CPPED1: variants seen among roughly 807,000 people sequenced by gnomAD.
CPPED1 encodes the protein calcineurin like phosphoesterase domain containing 1.
A neutral mutation model predicts 28.0 loss-of-function variants in CPPED1; 28 were observed. The ratio of observed to expected loss-of-function variants is 1.00; its 90% CI spans 0.74 to 1.37. The LOEUF is 1.37. Among genes scored for constraint, CPPED1 ranks in the 40% most tolerant of loss-of-function variants. The pLI, the probability that CPPED1 is intolerant of heterozygous loss-of-function variation, is 0.00. For synonymous variants in CPPED1, 198 were observed against 180.2 expected, an observed-to-expected ratio of 1.10 and a Z score of -0.79; for missense variants, 504 against 416.5, an observed-to-expected ratio of 1.21 and a Z score of -1.83.
intron 2 of CPPED1, among the ~76,000 whole-genome samples, chr16:12,735,432 G>A (rs918366484): frequency 1.3e-5 from 2 of 152,226 alleles, no homozygotes; most frequent in Admixed American, 1.3e-4. Context: ...AGCCTCCTGA[G>A]TAGATGGGAT....
rs1010448104 is a variant in CPPED1, at chr16:12,709,267, A to G, written c.290-4218T>C. On this transcript the variant is annotated intron_variant, in intron 2 of 3. Transcript: ENST00000381774. This position sits in a 1 kb window ranked among gnomAD's most constrained non-coding sequence, Gnocchi z 4.4. ...AAGAAAGGCAGGGAAACAAGGGGAA[A>G]GACTCTGAAAAATGGCAAGACATGA... is the stretch of plus-strand genomic sequence containing the variant. Among the ~76,000 whole-genome samples, 2 of 152,196 alleles carry G rather than the reference A, an allele frequency of 1.3e-5. No homozygotes were observed. The highest frequency in any genetic ancestry group is 4.8e-5 in the African/African-American group (2 of 41,454).
chr16:12,764,243 G>A (rs1008150766), intron 2 of CPPED1, among the ~76,000 whole-genome samples: 2 of 149,948 alleles, frequency 1.3e-5, no homozygotes, highest in Non-Finnish European at 3.0e-5. Flanking sequence ...TCGCTCTGTC[G>A]CCCAGGCCAG....
chr16:12,712,137 C>T (rs1393373528), intron 2 of CPPED1, among the ~76,000 whole-genome samples: 1 of 152,198 alleles, frequency 6.6e-6, no homozygotes, highest in Non-Finnish European at 1.5e-5. Context: ...CCACACCTGT[C>T]CTGCAGACAG....
At chr16:12,738,692 T>C (rs1166674694) in intron 2 of CPPED1, among the ~76,000 whole-genome samples, 1 of 152,192 alleles carries the variant, frequency 6.6e-6, no homozygotes, top group East Asian at 1.9e-4. Context: ...TTTATGGGTA[T>C]GGACTAACCT....
chr16:12,672,728 A>C (rs1255487391), intron 3 of CPPED1, among the ~76,000 whole-genome samples: 3 of 152,176 alleles, frequency 2.0e-5, no homozygotes, highest in African/African-American at 4.8e-5. Flanking sequence ...GCTTCCAATG[A>C]TCACGAATTA....
chr16:12,723,283 T>C (rs1417903547), intron 2 of CPPED1, among the ~76,000 whole-genome samples: 1 of 152,188 alleles, frequency 6.6e-6, no homozygotes, highest in African/African-American at 2.4e-5. Context: ...CTGCAATCTG[T>C]GAAGCTGCAA....
At chr16:12,788,435 C>A (rs2080577101) in intron 1 of CPPED1, among the ~76,000 whole-genome samples, 1 of 152,208 alleles carries the variant, frequency 6.6e-6, no homozygotes, top group Non-Finnish European at 1.5e-5. Context: ...TGTAGCTCAT[C>A]CTGGTGAGAT....
chr16:12,771,317 G>C (rs2080469213), intron 2 of CPPED1, among the ~76,000 whole-genome samples: 1 of 152,212 alleles, frequency 6.6e-6, no homozygotes, highest in Non-Finnish European at 1.5e-5. Flanking sequence ...ATTTATTCAT[G>C]TGTTCCAGAA....
chr16:12,794,092 G>C (rs2080612311), intron 1 of CPPED1, among the ~76,000 whole-genome samples: 1 of 152,054 alleles, frequency 6.6e-6, no homozygotes, highest in African/African-American at 2.4e-5. Flanking sequence ...TTACCACTTT[G>C]GGACTCTTTC....
At chr16:12,793,289 T>A (rs1211052874) in intron 1 of CPPED1, among the ~76,000 whole-genome samples, 2 of 152,126 alleles carry the variant, frequency 1.3e-5, no homozygotes, top group Non-Finnish European at 2.9e-5. Context: ...GAGTGGCCAG[T>A]GGGTGGGGCT....
chr16:12,664,365 G>A lies in CPPED1; in HGVS notation c.*521C>T. ...CCTACTTGGCTCCTTGTCAAAATAAGTCTGCATGGCTCTCACAACAAGGGA... is the reference window on the plus strand; with the variant it reads ...CCTACTTGGCTCCTTGTCAAAATAAATCTGCATGGCTCTCACAACAAGGGA... On this transcript the variant is annotated 3_prime_UTR_variant, in exon 4 of 4. Transcript: ENST00000381774. This position sits in a 1 kb window ranked among gnomAD's most constrained non-coding sequence, Gnocchi z 4.2. 1 of 993,576 alleles carries A rather than the reference G, an allele frequency of 1.0e-6. No homozygotes were observed. Among genetic ancestry groups the A allele is most frequent in the Non-Finnish European group, 1.2e-6 (1 of 835,904 alleles). 61.5% of individuals were successfully genotyped at this position (993,576 alleles called of 1,614,324 possible).
At chr16:12,671,276 G>A (rs1195546451) in intron 3 of CPPED1, among the ~76,000 whole-genome samples, 2 of 152,146 alleles carry the variant, frequency 1.3e-5, no homozygotes, top group African/African-American at 4.8e-5. Context: ...TAAAGCCCAT[G>A]ATTAGATTCC....
intron 1 of CPPED1, among the ~76,000 whole-genome samples, chr16:12,802,819 G>A (rs2080668575): frequency 6.6e-6 from 1 of 152,194 alleles, no homozygotes; most frequent in Non-Finnish European, 1.5e-5. Context: ...TCAAACAAGG[G>A]CAACAACAAA....
At chr16:12,741,833 T>G (rs2080257364) in intron 2 of CPPED1, among the ~76,000 whole-genome samples, 1 of 152,136 alleles carries the variant, frequency 6.6e-6, no homozygotes, top group African/African-American at 2.4e-5. Flanking sequence ...GGTGGATCAC[T>G]TGAGGTCAGG....
chr16:12,718,319 A>C (rs1293082289), intron 2 of CPPED1, among the ~76,000 whole-genome samples: 1 of 152,178 alleles, frequency 6.6e-6, no homozygotes, highest in Non-Finnish European at 1.5e-5. Context: ...CGGGCGGATC[A>C]TTTGAGGTCA....
chr16:12,722,960 G>A (rs2080149444), intron 2 of CPPED1, among the ~76,000 whole-genome samples: 2 of 152,074 alleles, frequency 1.3e-5, no homozygotes, highest in Admixed American at 6.6e-5. Context: ...GGAAGACATC[G>A]GGATACCCAC....
rs1284900991 is a variant in CPPED1, at chr16:12,660,237, T to A, written c.*4649A>T. The A allele has an allele frequency of 1.3e-5, 2 of 152,196 alleles. No homozygotes were observed. Among genetic ancestry groups the A allele is most frequent in the Admixed American group, 6.5e-5 (1 of 15,272 alleles). The allele number at this position is 152,196 out of a possible 1,614,324, so 9.4% of individuals were successfully genotyped here. A position where few individuals can be genotyped will look rare whatever the true frequency, so the allele number is the denominator to read the frequency against. On this transcript the variant is annotated 3_prime_UTR_variant, in exon 4 of 4. Coordinates refer to ENST00000381774, the MANE Select transcript of CPPED1 (RefSeq NM_018340.3). ...GGCACAGTGGCTCACTCATTCTAAG[T>A]GTGCTGCAAAGCCCCTTTAGTGAAG...
chr16:12,799,308 C>A (rs1469983896), intron 1 of CPPED1, among the ~76,000 whole-genome samples: 1 of 148,296 alleles, frequency 6.7e-6, no homozygotes, highest in Non-Finnish European at 1.5e-5. Context: ...GTGCAGCGGG[C>A]AATCTTGGCT....
intron 2 of CPPED1, among the ~76,000 whole-genome samples, chr16:12,773,024 A>G (rs2080478404): frequency 6.6e-6 from 1 of 152,224 alleles, no homozygotes. Flanking sequence ...CAGTTTTGCC[A>G]CCAGCTTAGT....
Sources: allele counts gnomAD v4.1 joint callset (sites outside exome capture counted in the v4.1 genomes callset), GRCh38; gene constraint gnomAD v4.1.1; non-coding constraint Gnocchi (gnomAD v3.1); transcripts MANE v1.5; gene names NCBI Gene and HGNC (gene_info 2026-07-23, HGNC 2026-07-21).